The following TPTE variants were observed in gnomAD, a reference collection of about 807,000 sequenced individuals.
TPTE encodes the protein transmembrane phosphatase with tensin homology, also known as putative tyrosine-protein phosphatase TPTE.
In TPTE, 59 loss-of-function variants were observed where a neutral mutation model predicts 84.1. The observed-to-expected ratio is 0.70, with a 90% confidence interval of 0.57 to 0.87. The LOEUF is 0.87. Among genes scored for constraint, TPTE ranks in the 40% least tolerant of loss-of-function variants. The probability of loss-of-function intolerance (pLI) is 0.00; values close to 1 mark genes in which losing one functional copy is unlikely to be tolerated. For missense variants in TPTE, 382 were observed against 659.6 expected (o/e 0.58, Z 4.61); for synonymous variants, 130 against 223.5 (o/e 0.58, Z 3.73).
Position 10,547,867 on chromosome 21 carries a change from A to G in TPTE, c.173+4485A>G, listed in dbSNP as rs2074497688. Among the ~76,000 whole-genome samples the G allele has an allele frequency of 3.3e-5, 5 of 152,426 alleles. No individual in the cohort carries two copies. In the South Asian group the frequency reaches 1.0e-3, roughly 32 times the overall value. On this transcript the variant is annotated intron_variant, in intron 7 of 23. Coordinates refer to ENST00000618007, the MANE Select transcript of TPTE (RefSeq NM_199261.4). ...AGAGGAATAATCTGCAGTCCCATCC[A>G]GGGTAAATTCACTCTTAAGACAGCC...
chr21:10,535,387 G>T (rs1316460150), intron 3 of TPTE, among the ~76,000 whole-genome samples: 1 of 152,302 alleles, frequency 6.6e-6, no homozygotes, highest in East Asian at 1.9e-4. Flanking sequence ...AAGAGAAAGA[G>T]AAGTTGATAT....
chr21:10,594,261 T>A (rs556162524), intron 19 of TPTE, among the ~76,000 whole-genome samples: 128 of 152,062 alleles, frequency 8.4e-4, no homozygotes, highest in African/African-American at 2.9e-3. Context: ...CCCCTTTTCC[T>A]AGAGTCCCTT....
At chr21:10,577,341 A>T (rs625018) in intron 14 of TPTE, 119 bp from the exon 15 acceptor site, 1 of 1,428,410 alleles carries the variant, frequency 7.0e-7, no homozygotes, top group South Asian at 1.2e-5. Flanking sequence ...CTGAATCTCC[A>T]CTAGAAGATG....
At chr21:10,523,519 C>G (rs537478405) in intron 1 of TPTE, among the ~76,000 whole-genome samples, 1 of 150,456 alleles carries the variant, frequency 6.6e-6, no homozygotes, top group East Asian at 2.0e-4. Context: ...TCTCATTGTT[C>G]AGTTCCCACC....
chr21:10,599,772 CT>C (rs1406127436), intron 21 of TPTE, among the ~76,000 whole-genome samples: 2 of 151,974 alleles, frequency 1.3e-5, no homozygotes, highest in Non-Finnish European at 2.9e-5. Flanking sequence ...TGGGTCATCC[CT>C]TTTGGCTCTT....
intron 7 of TPTE, among the ~76,000 whole-genome samples, chr21:10,550,436 C>G (rs1051273216): frequency 2.0e-5 from 3 of 152,304 alleles, no homozygotes; most frequent in Admixed American, 2.0e-4. Flanking sequence ...GATAGCTATA[C>G]TTGTATCAGA....
chr21:10,546,910 A>G (rs952145984), intron 7 of TPTE, among the ~76,000 whole-genome samples: 3 of 152,310 alleles, frequency 2.0e-5, no homozygotes, highest in Admixed American at 6.5e-5. Flanking sequence ...AGCAGCAGCA[A>G]GTTATCCAGA....
At chr21:10,548,652 C>G (rs1192868142) in intron 7 of TPTE, among the ~76,000 whole-genome samples, 1 of 152,310 alleles carries the variant, frequency 6.6e-6, no homozygotes, top group Non-Finnish European at 1.5e-5. Flanking sequence ...AAACACCCCT[C>G]TTGGCCAGCC....
At chr21:10,566,571 A>G (rs904768709) in intron 10 of TPTE, among the ~76,000 whole-genome samples, 5 of 152,308 alleles carry the variant, frequency 3.3e-5, no homozygotes, top group African/African-American at 7.2e-5. Context: ...TTGTTGCAGC[A>G]CTGTTCATAA....
chr21:10,540,938 G>A (rs1368697184), intron 4 of TPTE, among the ~76,000 whole-genome samples, 174 bp from the exon 5 acceptor site: 1 of 152,306 alleles, frequency 6.6e-6, no homozygotes, highest in Non-Finnish European at 1.5e-5. Flanking sequence ...GTTGGCATAT[G>A]AAACCTCATT....
chr21:10,522,058 G>A (rs1396248522), intron 1 of TPTE, among the ~76,000 whole-genome samples: 1 of 151,980 alleles, frequency 6.6e-6, no homozygotes, highest in East Asian at 1.9e-4. Flanking sequence ...AAGGGGGCGC[G>A]CCCCCCGCCC....
chr21:10,526,834 T>G (rs570309482), intron 2 of TPTE, among the ~76,000 whole-genome samples: 3 of 152,428 alleles, frequency 2.0e-5, no homozygotes, highest in Admixed American at 2.0e-4. Context: ...GCATGTGTCT[T>G]AACTTACAGA....
intron 8 of TPTE, among the ~76,000 whole-genome samples, chr21:10,558,067 C>T (rs2074717876): frequency 6.6e-6 from 1 of 152,312 alleles, no homozygotes; most frequent in African/African-American, 2.4e-5. Flanking sequence ...ATTGATGTTC[C>T]CACAAAATAC....
chr21:10,583,343 T>C (rs1411770012), intron 17 of TPTE, among the ~76,000 whole-genome samples: 2 of 152,242 alleles, frequency 1.3e-5, no homozygotes, highest in Non-Finnish European at 2.9e-5. Context: ...ATTGAGGAAG[T>C]TTTTTTTAAG....
intron 4 of TPTE, among the ~76,000 whole-genome samples, chr21:10,540,417 T>C (rs1304933651): frequency 6.6e-6 from 1 of 152,306 alleles, no homozygotes; most frequent in East Asian, 1.9e-4. Context: ...GGGGAGGAAC[T>C]CATAGAGGGA....
At chr21:10,571,593 G>A (rs1455744354) in intron 14 of TPTE, among the ~76,000 whole-genome samples, 2 of 152,430 alleles carry the variant, frequency 1.3e-5, no homozygotes, top group African/African-American at 2.4e-5. Context: ...AATTCAGATA[G>A]ACAAATCAAT....
chr21:10,591,237 TTTTC>T (rs1568765155), intron 18 of TPTE, among the ~76,000 whole-genome samples: 1 of 152,312 alleles, frequency 6.6e-6, no homozygotes, highest in African/African-American at 2.4e-5. Context: ...TCTCAGTCAT[TTTTC>T]TTTCTGCCGT....
chr21:10,587,985 A>G (rs1445695759), intron 17 of TPTE, among the ~76,000 whole-genome samples: 1 of 152,312 alleles, frequency 6.6e-6, no homozygotes, highest in Admixed American at 6.5e-5. Flanking sequence ...AGTCACTGGG[A>G]TTACAGGTGT....
intron 20 of TPTE, 102 bp from the exon 21 acceptor site, chr21:10,597,913 T>G (rs2075618895): frequency 1.4e-6 from 2 of 1,451,780 alleles, no homozygotes; most frequent in Admixed American, 2.0e-5. Context: ...CATTGTTAGC[T>G]TGGATAATTT....
Sources: gnomAD v4.1 joint callset for allele counts (sites outside exome capture counted in the v4.1 genomes callset) on GRCh38, gnomAD v4.1.1 for gene constraint, MANE v1.5 for transcripts, NCBI Gene and HGNC (gene_info 2026-07-23, HGNC 2026-07-21) for gene names.